The following CUBN variants were observed in gnomAD, a reference collection of about 807,000 sequenced individuals.
CUBN encodes the protein cubilin.
In CUBN, 282 loss-of-function variants were observed where a neutral mutation model predicts 405.3. The ratio of observed to expected loss-of-function variants is 0.70; its 90% confidence interval spans 0.63 to 0.77. The LOEUF (loss-of-function observed/expected upper bound fraction) is 0.77, where lower values mean the gene tolerates loss of function less well. Among genes scored for constraint, CUBN ranks in the 30% least tolerant of loss-of-function variants. The pLI, the probability that CUBN is intolerant of heterozygous loss-of-function variation, is 0.00. For synonymous variants in CUBN, 1,684 were observed against 1,617.0 expected, an observed-to-expected ratio of 1.04 and a Z score of -0.99; for missense variants, 4,514 against 4,475.2, an observed-to-expected ratio of 1.01 and a Z score of -0.25.
At position 16,928,276 on chromosome 10, in the gene CUBN, G is replaced by C. The variant is rs1842253562; in HGVS notation, c.6152C>G (p.Ala2051Gly). ...DGDNNLAQQL[A>G]VLCGREIPGP... is the part of the protein sequence containing the mutation. ...AGGGATCTCTCTGCCACAGAGAACT[G>C]CTAGCTGCTGGGCCAAGTTATTATC... Residue 2051 changes from alanine to glycine, a missense_variant, in exon 41 of 67, where the codon GCA becomes GGA. This residue lies in a region of CUBN where 1,613 missense variants were observed against 1,542.8 expected (regional missense o/e 1.05). Transcript: ENST00000377833. The C allele has an allele frequency of 1.2e-6, 2 of 1,613,778 alleles. No homozygotes were observed. Among genetic ancestry groups the C allele is most frequent in the Non-Finnish European group, 1.7e-6 (2 of 1,179,900 alleles).
intron 55 of CUBN, among the ~76,000 whole-genome samples, chr10:16,890,093 C>G (rs1840958544): frequency 6.6e-6 from 1 of 152,120 alleles, no homozygotes; most frequent in African/African-American, 2.4e-5. Flanking sequence ...TGCTAACGAA[C>G]TAGCCATCTG....
At chr10:17,115,641 G>A in intron 6 of CUBN, 44 bp from the exon 7 acceptor site, 1 of 1,609,246 alleles carries the variant, frequency 6.2e-7, no homozygotes, top group Non-Finnish European at 8.5e-7. Flanking sequence ...CGCGCTTTGG[G>A]GCCAGTGCCT....
intron 26 of CUBN, among the ~76,000 whole-genome samples, chr10:17,043,038 G>T (rs1234681677): frequency 3.3e-5 from 5 of 152,008 alleles, no homozygotes; most frequent in Non-Finnish European, 2.9e-5. Context: ...AGAAAATATT[G>T]TTTTCTTGAA....
intron 60 of CUBN, among the ~76,000 whole-genome samples, chr10:16,845,714 G>C (rs1564382281): frequency 6.6e-6 from 1 of 152,228 alleles, no homozygotes; most frequent in Non-Finnish European, 1.5e-5. Flanking sequence ...TGAATGAATA[G>C]TAGGTACGAC....
intron 59 of CUBN, among the ~76,000 whole-genome samples, chr10:16,862,138 A>G (rs1840031267): frequency 1.5e-5 from 2 of 130,066 alleles, no homozygotes; most frequent in Non-Finnish European, 3.0e-5. Context: ...ACAGAGTGAG[A>G]CTCCGTCTCT....
intron 28 of CUBN, among the ~76,000 whole-genome samples, chr10:17,009,096 C>T (rs1264783775): frequency 1.3e-5 from 2 of 152,196 alleles, no homozygotes; most frequent in Non-Finnish European, 2.9e-5. Flanking sequence ...GTACCTGTGG[C>T]ATTGCATACC....
chr10:16,975,987 T>A (rs1412909410), intron 31 of CUBN, among the ~76,000 whole-genome samples: 3 of 150,112 alleles, frequency 2.0e-5, no homozygotes, highest in South Asian at 4.2e-4. Flanking sequence ...TTTTTTTTTT[T>A]AACAGACAGG....
intron 28 of CUBN, among the ~76,000 whole-genome samples, chr10:17,001,151 C>T (rs1465995523): frequency 1.3e-5 from 2 of 152,116 alleles, no homozygotes; most frequent in Non-Finnish European, 2.9e-5. Flanking sequence ...TTTCTGGTCT[C>T]GCTGGCTTCA....
At chr10:17,090,945 T>C (rs953498009) in intron 14 of CUBN, among the ~76,000 whole-genome samples, 2 of 152,082 alleles carry the variant, frequency 1.3e-5, no homozygotes, top group Admixed American at 1.3e-4. Context: ...TCTAATTCTG[T>C]CCACTGAAAG....
Position 16,915,831 on chromosome 10 carries a change from A to G in CUBN, c.7200T>C (p.Asn2400=). Residue 2400 remains asparagine, a synonymous_variant, in exon 46 of 67, where the codon AAT becomes AAC. Coordinates refer to ENST00000377833, the MANE Select transcript of CUBN (RefSeq NM_001081.4). ...CEKDFVEIWD[N]HTSGNILGRY... Reference sequence around the variant, plus strand: ...ATATATTTTACTAACCAGAGGTATGATTGTCCCAGATCTCCACGAAGTCTT... The same window carrying G: ...ATATATTTTACTAACCAGAGGTATGGTTGTCCCAGATCTCCACGAAGTCTT... 1 of 1,612,568 alleles carries G rather than the reference A, an allele frequency of 6.2e-7. No individual in the cohort carries two copies. The highest frequency in any genetic ancestry group is 8.5e-7 in the Non-Finnish European group (1 of 1,179,502).
chr10:17,083,601 C>A (rs1836024178), intron 17 of CUBN, among the ~76,000 whole-genome samples: 1 of 152,164 alleles, frequency 6.6e-6, no homozygotes, highest in South Asian at 2.1e-4. Context: ...AGATCTTATG[C>A]TAAAGTTCTG....
At position 16,909,486 on chromosome 10, in the gene CUBN, G is replaced by A. The variant is rs1266583553; in HGVS notation, c.7534-1807C>T. 2.6e-5 allele frequency among the ~76,000 whole-genome samples: 4 copies of A among 152,154 alleles called. No individual in the cohort carries two copies. The East Asian group carries it at 7.7e-4, about 29-fold the overall frequency. On this transcript the variant is annotated intron_variant, in intron 48 of 66. Transcript: ENST00000377833. ...CTCTGATTCCAAACCATTAAGTAAT[G>A]CATAAAGAAACAGATGAGGAAAAAT...
At chr10:16,947,115 A>G in intron 36 of CUBN, 120 bp downstream of exon 36, 1 of 1,098,080 alleles carries the variant, frequency 9.1e-7, no homozygotes, top group Non-Finnish European at 1.4e-6. Context: ...AACAGAGGAA[A>G]TTTGGAAAAA....
intron 22 of CUBN, among the ~76,000 whole-genome samples, chr10:17,054,940 A>T (rs1044183379): frequency 3.9e-5 from 6 of 152,130 alleles, no homozygotes; most frequent in African/African-American, 1.4e-4. Context: ...TTTTCTAACT[A>T]ACAAGACCAA....
intron 22 of CUBN, among the ~76,000 whole-genome samples, chr10:17,049,366 G>A (rs1011503802): frequency 6.6e-5 from 10 of 152,242 alleles, no homozygotes; most frequent in East Asian, 1.9e-4. Flanking sequence ...ATTATCTGTC[G>A]TCACTTGTTC....
chr10:16,972,665 A>G (rs1346002085), intron 31 of CUBN, among the ~76,000 whole-genome samples: 2 of 151,788 alleles, frequency 1.3e-5, no homozygotes, highest in Admixed American at 1.3e-4. Flanking sequence ...AGCTCAAACA[A>G]TTCTCCTGTC....
intron 56 of CUBN, among the ~76,000 whole-genome samples, chr10:16,881,112 T>C (rs1308423768): frequency 1.3e-5 from 2 of 152,330 alleles, no homozygotes; most frequent in East Asian, 1.9e-4. Flanking sequence ...GCATTAGTTA[T>C]AGAAATTATT....
chr10:16,990,827 T>G (rs145710948), intron 28 of CUBN, among the ~76,000 whole-genome samples: 2 of 152,350 alleles, frequency 1.3e-5, no homozygotes, highest in East Asian at 3.9e-4. Flanking sequence ...TAGATTTTCT[T>G]TATTATAATA....
In CUBN at chr10:16,925,653, A is replaced by C. The variant is rs775558576; in HGVS notation, c.6393T>G (p.Ala2131=). The C allele has an allele frequency of 1.2e-6, 2 of 1,614,086 alleles. No individual in the cohort carries two copies. The highest frequency in any genetic ancestry group is 3.3e-5 in the Admixed American group (2 of 59,998). The change falls in exon 42 of 67, where the codon GCT becomes GCG. Residue 2131 remains alanine (A), a synonymous_variant. Transcript: ENST00000377833. The part of the protein sequence containing the change: ...HVLVQSGLTI[A]VHFEQPFQIP... ...TCTGGAAAGGCTGTTCAAAATGGAC[A>C]GCAATGGTCAGGCCACTTTGGACCA...
Sources: gnomAD v4.1 joint callset for allele counts (sites outside exome capture counted in the v4.1 genomes callset) on GRCh38, gnomAD v4.1.1 for gene constraint, gnomAD v4.1.1 regional missense constraint, MANE v1.5 for transcripts, NCBI Gene and HGNC (gene_info 2026-07-23, HGNC 2026-07-21) for gene names.